The following AGBL4 variants were observed in gnomAD, a reference collection of about 807,000 sequenced individuals.
The protein encoded by AGBL4 is AGBL carboxypeptidase 4.
A neutral mutation model predicts 66.4 loss-of-function variants in AGBL4; 58 were observed. The observed-to-expected ratio is 0.87, with a 90% CI of 0.71 to 1.09. The LOEUF (loss-of-function observed/expected upper bound fraction) is 1.09. Among genes scored for constraint, AGBL4 ranks in the 50% least tolerant of loss-of-function variants. AGBL4 has a pLI of 0.00. For synonymous variants in AGBL4, 234 were observed against 222.9 expected (o/e 1.05, Z -0.44); for missense variants, 579 against 631.0 (o/e 0.92, Z 0.88).
intron 11 of AGBL4, among the ~76,000 whole-genome samples, chr1:48,568,061 A>G (rs1644503792): frequency 6.6e-6 from 1 of 152,130 alleles, no homozygotes; most frequent in African/African-American, 2.4e-5. Context: ...GGTGACTTGA[A>G]AAGCTCAGTT....
At chr1:49,026,289 C>T (rs1663680560) in intron 5 of AGBL4, among the ~76,000 whole-genome samples, 6 of 152,108 alleles carry the variant, frequency 3.9e-5, no homozygotes, top group Admixed American at 3.9e-4. Flanking sequence ...AAATAATATA[C>T]ATTACATTAA....
intron 3 of AGBL4, among the ~76,000 whole-genome samples, chr1:49,624,603 C>T (rs1325233362): frequency 4.6e-5 from 7 of 152,298 alleles, no homozygotes; most frequent in Middle Eastern, 3.4e-3. Context: ...GTGCCCTTCA[C>T]CTTTCTTCTT....
At chr1:49,027,861 G>A (rs1021746050) in intron 5 of AGBL4, among the ~76,000 whole-genome samples, 2 of 152,150 alleles carry the variant, frequency 1.3e-5, no homozygotes, top group Non-Finnish European at 2.9e-5. Flanking sequence ...AGGCCAAGAT[G>A]GGCAAGACAA....
chr1:49,783,930 T>A (rs764854561), intron 2 of AGBL4, among the ~76,000 whole-genome samples: 2 of 152,056 alleles, frequency 1.3e-5, no homozygotes, highest in African/African-American at 2.4e-5. Flanking sequence ...TAGGAATAAA[T>A]TTAACAAAAT....
intron 3 of AGBL4, among the ~76,000 whole-genome samples, chr1:49,473,303 C>A (rs1442295287): frequency 1.3e-5 from 2 of 152,070 alleles, no homozygotes; most frequent in African/African-American, 4.8e-5. Flanking sequence ...TCACCAACAT[C>A]TGTTATGTTT....
chr1:49,243,703 A>T (rs1172392428), intron 4 of AGBL4, among the ~76,000 whole-genome samples: 1 of 150,242 alleles, frequency 6.7e-6, no homozygotes, highest in East Asian at 1.9e-4. Flanking sequence ...CTATGAAGTA[A>T]AAAAAAAAAT....
At chr1:48,871,763 T>G (rs1648699975) in intron 5 of AGBL4, among the ~76,000 whole-genome samples, 1 of 152,116 alleles carries the variant, frequency 6.6e-6, no homozygotes, top group Non-Finnish European at 1.5e-5. Context: ...GTGTCTATAG[T>G]GGATGCTTGA....
intron 5 of AGBL4, among the ~76,000 whole-genome samples, chr1:49,002,638 A>G (rs1284142258): frequency 2.6e-5 from 4 of 152,204 alleles, no homozygotes; most frequent in African/African-American, 9.6e-5. Flanking sequence ...GAATTTCAAG[A>G]ACTCTTATAA....
chr1:49,870,623 G>T (rs2148111354), intron 1 of AGBL4, among the ~76,000 whole-genome samples: 1 of 145,174 alleles, frequency 6.9e-6, no homozygotes, highest in South Asian at 2.2e-4. Flanking sequence ...ATAGAAAGAA[G>T]AACTATCAGA....
intron 3 of AGBL4, among the ~76,000 whole-genome samples, chr1:49,365,554 GATAATATTAT>G (rs1467627953): frequency 6.6e-6 from 1 of 150,394 alleles, no homozygotes; most frequent in African/African-American, 2.4e-5. Flanking sequence ...TGATAATAAT[GATAATATTAT>G]AATGATAATG....
At chr1:49,755,842 A>T (rs1651845234) in intron 2 of AGBL4, among the ~76,000 whole-genome samples, 2 of 152,224 alleles carry the variant, frequency 1.3e-5, no homozygotes, top group South Asian at 4.1e-4. Flanking sequence ...TATTTGTGCC[A>T]GAGTGATCTT....
chr1:48,592,177 C>T (rs1027223578), intron 9 of AGBL4, among the ~76,000 whole-genome samples: 1 of 152,208 alleles, frequency 6.6e-6, no homozygotes, highest in African/African-American at 2.4e-5. Context: ...GACTGACACT[C>T]AGGCCTCCTG....
chr1:48,770,668 C>G (rs1644772668), intron 6 of AGBL4, among the ~76,000 whole-genome samples: 1 of 152,268 alleles, frequency 6.6e-6, no homozygotes, highest in East Asian at 1.9e-4. Flanking sequence ...TTCCATGGGC[C>G]CTTAAGATTC....
At chr1:49,707,800 C>G (rs1647327668) in intron 2 of AGBL4, among the ~76,000 whole-genome samples, 1 of 152,048 alleles carries the variant, frequency 6.6e-6, no homozygotes, top group Non-Finnish European at 1.5e-5. Flanking sequence ...TTTATTTCTC[C>G]TTCACTTATA....
At chr1:48,618,233 C>T (rs1645351852) in intron 9 of AGBL4, among the ~76,000 whole-genome samples, 2 of 152,172 alleles carry the variant, frequency 1.3e-5, no homozygotes, top group Admixed American at 1.3e-4. Flanking sequence ...ACAATAATCC[C>T]TGTCTCACAA....
chr1:49,539,462 C>T (rs1651842433), intron 3 of AGBL4, among the ~76,000 whole-genome samples: 1 of 152,182 alleles, frequency 6.6e-6, no homozygotes, highest in Non-Finnish European at 1.5e-5. Flanking sequence ...TCAATCTCCT[C>T]TCTGGCTGTG....
chr1:49,327,484 AT>A (rs1411870030), intron 3 of AGBL4, among the ~76,000 whole-genome samples: 1 of 152,204 alleles, frequency 6.6e-6, no homozygotes, highest in African/African-American at 2.4e-5. Flanking sequence ...ATTTCTCATA[AT>A]TTTGAAGGCT....
intron 5 of AGBL4, among the ~76,000 whole-genome samples, chr1:48,893,083 T>C (rs1651131438): frequency 6.6e-6 from 1 of 152,112 alleles, no homozygotes; most frequent in Non-Finnish European, 1.5e-5. Context: ...AGAACACCCC[T>C]ACAAAAATCG....
intron 4 of AGBL4, among the ~76,000 whole-genome samples, chr1:49,243,046 CAT>C (rs574636934): frequency 1.1e-4 from 17 of 149,828 alleles, no homozygotes; most frequent in South Asian, 4.2e-4. Flanking sequence ...CACACACATA[CAT>C]ATATATATAT....
Sources: allele counts gnomAD v4.1 joint callset (sites outside exome capture counted in the v4.1 genomes callset), GRCh38; gene constraint gnomAD v4.1.1; transcripts MANE v1.5; gene names NCBI Gene and HGNC (gene_info 2026-07-23, HGNC 2026-07-21).